SULT4A1: variants seen among roughly 807,000 people sequenced by gnomAD.
SULT4A1 encodes the protein sulfotransferase 4A1.
In SULT4A1, 11 loss-of-function variants were observed where a neutral mutation model predicts 35.2. The ratio of observed to expected loss-of-function variants is 0.31; its 90% confidence interval spans 0.20 to 0.52. SULT4A1 has a LOEUF of 0.52. Ranked by LOEUF, SULT4A1 falls within the 20% of genes least tolerant of loss-of-function variation. The pLI is 0.97. For synonymous variants in SULT4A1, 152 were observed against 151.8 expected (o/e 1.00, Z -0.01); for missense variants, 271 against 383.7 (o/e 0.71, Z 2.45).
chr22:43,838,284 G>A (rs1490532148), intron 4 of SULT4A1, among the ~76,000 whole-genome samples: 1 of 152,272 alleles, frequency 6.6e-6, no homozygotes, highest in Non-Finnish European at 1.5e-5. Context: ...GGCTGGAATG[G>A]AAGCCAGAGA....
chr22:43,826,068 T>C lies in SULT4A1; in HGVS notation c.788A>G (p.Glu263Gly). ...WKDIFTVSMN[E>G]KFDLVYKQKM... is the part of the protein sequence containing the mutation. ...CTGTTTATACACCAAGTCAAACTTCTCATTCATGGAGACGGTGAAGATGTC... is the reference window on the plus strand; with the variant it reads ...CTGTTTATACACCAAGTCAAACTTCCCATTCATGGAGACGGTGAAGATGTC... The change falls in exon 7 of 7, where the codon GAG (glutamate) becomes GGG (glycine). Residue 263 changes from glutamate (E) to glycine (G), a missense_variant. Transcript: ENST00000330884. The C allele has an allele frequency of 1.2e-6, 2 of 1,614,238 alleles. No homozygotes were observed. Among genetic ancestry groups the C allele is most frequent in the Non-Finnish European group, 1.7e-6 (2 of 1,180,040 alleles).
At chr22:43,852,954 G>C (rs1220338175) in intron 1 of SULT4A1, among the ~76,000 whole-genome samples, 2 of 151,974 alleles carry the variant, frequency 1.3e-5, no homozygotes, top group African/African-American at 4.8e-5. Context: ...GGGCCACAGA[G>C]GCCAGTGGGC....
chr22:43,840,677 C>G (rs1168908457), intron 2 of SULT4A1, among the ~76,000 whole-genome samples: 1 of 152,178 alleles, frequency 6.6e-6, no homozygotes. Context: ...ACTGCTTCCA[C>G]CTGCCCCTCG....
chr22:43,835,051 T>C (rs5764333), intron 4 of SULT4A1, among the ~76,000 whole-genome samples: 9,452 of 102,102 alleles, frequency 0.093, 247 homozygotes, highest in East Asian at 0.13. Flanking sequence ...GTCCCTGTGC[T>C]TCCCGCGCCC....
rs771297700 is a variant in SULT4A1, at chr22:43,840,016, A to T, written c.310T>A (p.Ser104Thr). The change falls in exon 3 of 7, where the codon TCT (serine) becomes ACT (threonine). Residue 104 changes from serine (S) to threonine (T), a missense_variant. By Grantham distance (58) the Ser-to-Thr change is moderately conservative. Coordinates refer to ENST00000330884, the MANE Select transcript of SULT4A1 (RefSeq NM_014351.4). ...AGGTGGCTCTTGATGAGGCGGGGAG[A>T]GGTCAGTTCCTGCGTGGAGTCAGAG... Reference protein sequence around the residue: ...PGLDIIKELTSPRLIKSHLPY... With the variant: ...PGLDIIKELTTPRLIKSHLPY... 6.3e-7 allele frequency: 1 copy of T among 1,579,420 alleles called. No homozygotes were observed. The highest frequency in any genetic ancestry group is 1.8e-5 in the Admixed American group (1 of 56,924).
In SULT4A1 at chr22:43,842,344, G is replaced by A. The variant is rs576938481; in HGVS notation, c.170-412C>T. Among the ~76,000 whole-genome samples, 3 of 152,172 alleles carry A rather than the reference G, an allele frequency of 2.0e-5. No homozygotes were observed. In the South Asian group the frequency reaches 6.2e-4, roughly 32 times the overall value. The stretch of plus-strand genomic sequence containing the variant: ...AAATGACGTCTGCCCAGTATCTACT[G>A]AAGCTATATACACATAGCCCATGAT... On this transcript the variant is annotated intron_variant, in intron 1 of 6. Coordinates refer to ENST00000330884, the MANE Select transcript of SULT4A1 (RefSeq NM_014351.4).
chr22:43,826,326 A>C, intron 6 of SULT4A1: 1 of 985,342 alleles, frequency 1.0e-6, no homozygotes. Flanking sequence ...CATGACCTGA[A>C]CCAGCTTCCC....
At position 43,825,820 on chromosome 22, in the gene SULT4A1, G is replaced by A. The variant is rs1603403324; in HGVS notation, c.*181C>T. 5 of 608,404 alleles carry A rather than the reference G, an allele frequency of 8.2e-6. No homozygotes were observed. Among genetic ancestry groups the A allele is most frequent in the South Asian group, 2.0e-5 (1 of 49,926 alleles). The allele number at this position is 608,404 out of a possible 1,614,324, so 37.7% of individuals were successfully genotyped here. ...TGGAGAGGCTGCACGTTCTAAAGGCGAGACAGCTGCTTTCGGTTGGGAATC... is the reference window on the plus strand; with the variant it reads ...TGGAGAGGCTGCACGTTCTAAAGGCAAGACAGCTGCTTTCGGTTGGGAATC... On this transcript the variant is annotated 3_prime_UTR_variant, in exon 7 of 7. Transcript: ENST00000330884.
At chr22:43,830,119 A>G (rs1021781536) in intron 5 of SULT4A1, among the ~76,000 whole-genome samples, 1 of 152,174 alleles carries the variant, frequency 6.6e-6, no homozygotes, top group African/African-American at 2.4e-5. Context: ...ACTGCCTTCC[A>G]CAGGCAGGGG....
intron 1 of SULT4A1, among the ~76,000 whole-genome samples, chr22:43,855,622 A>G (rs1274455769): frequency 6.6e-6 from 1 of 152,170 alleles, no homozygotes; most frequent in Non-Finnish European, 1.5e-5. Context: ...CGCTCCCTCC[A>G]GAAGCCCACG....
chr22:43,833,727 G>A lies in SULT4A1; in HGVS notation c.516C>T (p.Tyr172=), dbSNP rs762083353. 11 of 1,569,722 alleles carry A rather than the reference G, an allele frequency of 7.0e-6. No individual in the cohort carries two copies. Among genetic ancestry groups the A allele is most frequent in the Non-Finnish European group, 8.6e-6 (10 of 1,156,844 alleles). Residue 172 remains tyrosine, a synonymous_variant, in exon 5 of 7, where the codon TAC becomes TAT. Transcript: ENST00000330884. ...CRRFMNDKLG[Y]GSWFEHVQEF... ...CCTGCACGTGCTCAAACCAGGAGCC[G>A]TAGCCCACTGCGGAGACAGGGGACA...
At chr22:43,856,728 A>G (rs1226269746) in intron 1 of SULT4A1, among the ~76,000 whole-genome samples, 1 of 152,190 alleles carries the variant, frequency 6.6e-6, no homozygotes, top group Non-Finnish European at 1.5e-5. Flanking sequence ...TAACACTACA[A>G]TAATATGAAA....
At chr22:43,839,593 C>T (rs1326986659) in intron 3 of SULT4A1, among the ~76,000 whole-genome samples, 1 of 151,950 alleles carries the variant, frequency 6.6e-6, no homozygotes, top group African/African-American at 2.4e-5. Flanking sequence ...GTCTCAAAAA[C>T]AAAAAAACAA....
rs559190225 is a variant in SULT4A1, at chr22:43,837,481, G to C, written c.508+1386C>G. Among the ~76,000 whole-genome samples the C allele has an allele frequency of 2.6e-5, 4 of 152,290 alleles. No homozygotes were observed. In the East Asian group the frequency reaches 7.7e-4, roughly 29 times the overall value. ...CATGAGTGGGTTGCTCCAAATGCCTGGTGGACCACAAGAGCAGGTGCCAGG... is the reference window on the plus strand; with the variant it reads ...CATGAGTGGGTTGCTCCAAATGCCTCGTGGACCACAAGAGCAGGTGCCAGG... On this transcript the variant is annotated intron_variant, in intron 4 of 6. Coordinates refer to ENST00000330884, the MANE Select transcript of SULT4A1 (RefSeq NM_014351.4).
chr22:43,861,283 G>A (rs1451492494), intron 1 of SULT4A1, among the ~76,000 whole-genome samples: 1 of 152,154 alleles, frequency 6.6e-6, no homozygotes, highest in African/African-American at 2.4e-5. Flanking sequence ...CTGCTGGTCC[G>A]GCGTGACCTT....
chr22:43,842,578 CCA>C (rs1491105840), intron 1 of SULT4A1, among the ~76,000 whole-genome samples: 1 of 152,142 alleles, frequency 6.6e-6, no homozygotes, highest in Admixed American at 6.5e-5. Context: ...CGGCCAAGCC[CCA>C]CAGATAGGAT....
At position 43,825,990 on chromosome 22, in the gene SULT4A1, T is replaced by C. The variant is rs1026967271; in HGVS notation, c.*11A>G. 1.9e-6 allele frequency: 3 copies of C among 1,612,886 alleles called. No homozygotes were observed. Among genetic ancestry groups the C allele is most frequent in the Non-Finnish European group, 2.5e-6 (3 of 1,179,018 alleles). ...TGGGTATTGTGAGCATGCAGGTTGT[T>C]GTTTCTGTTATTATAAATAAAAGTC... On this transcript the variant is annotated 3_prime_UTR_variant, in exon 7 of 7. Coordinates refer to ENST00000330884, the MANE Select transcript of SULT4A1 (RefSeq NM_014351.4).
intron 6 of SULT4A1, among the ~76,000 whole-genome samples, chr22:43,828,102 C>A (rs2063300666): frequency 6.6e-6 from 1 of 152,220 alleles, no homozygotes; most frequent in Admixed American, 6.5e-5. Flanking sequence ...CAGAGCTGAG[C>A]TGGAGCCCAG....
chr22:43,829,061 C>T lies in SULT4A1; in HGVS notation c.741G>A (p.Arg247=), dbSNP rs2063307461. The change falls in exon 6 of 7, where the codon CGG becomes CGA. Residue 247 remains arginine (R), a splice_region_variant and synonymous_variant. Coordinates refer to ENST00000330884, the MANE Select transcript of SULT4A1 (RefSeq NM_014351.4). ...CCNAEALPVG[R]GRVGLWKDIF... is the part of the protein sequence containing the mutation. The stretch of plus-strand genomic sequence containing the variant: ...CGGGAGGCAGGGTGGGGCACGTACC[C>T]CGGCCCACGGGCAGGGCCTCAGCGT... 1 of 1,526,436 alleles carries T rather than the reference C, an allele frequency of 6.6e-7. No homozygotes were observed. Among genetic ancestry groups the T allele is most frequent in the Non-Finnish European group, 8.8e-7 (1 of 1,131,816 alleles). 94.6% of individuals were successfully genotyped at this position (1,526,436 alleles called of 1,614,324 possible).
Sources: allele counts gnomAD v4.1 joint callset (sites outside exome capture counted in the v4.1 genomes callset), GRCh38; gene constraint gnomAD v4.1.1; transcripts MANE v1.5; gene names NCBI Gene and HGNC (gene_info 2026-07-23, HGNC 2026-07-21).